MINDY4B: variants seen among roughly 807,000 people sequenced by gnomAD.
MINDY4B encodes MINDY family member 4B, also known as inactive ubiquitin carboxyl-terminal hydrolase MINDY-4B.
Under a neutral mutation model 16.7 loss-of-function variants are expected in MINDY4B, and 25 were observed. The observed-to-expected ratio is 1.49, with a 90% CI of 1.09 to 2.09. MINDY4B has a LOEUF of 2.09. Among genes scored for constraint, MINDY4B ranks in the 30% most tolerant of loss-of-function variants. The pLI is 0.00. For missense variants in MINDY4B, 327 were observed against 168.4 expected, an observed-to-expected ratio of 1.94 and a Z score of -5.21; for synonymous variants, 132 against 61.9, an observed-to-expected ratio of 2.13 and a Z score of -5.32.
At chr3:150,871,892 A>T (rs1287850188) in intron 11 of MINDY4B, among the ~76,000 whole-genome samples, 1 of 152,148 alleles carries the variant, frequency 6.6e-6, no homozygotes, top group Non-Finnish European at 1.5e-5. Context: ...CTCAGAATAC[A>T]TTTGCATTTT....
Position 150,871,034 on chromosome 3 carries a change from C to T in MINDY4B, c.*11G>A, listed in dbSNP as rs544637413. ...GACACTTCAGACTTCATTGCACAGC[C>T]TAGTTTCCCTTTAGAAGAAGGGAAC... On this transcript the variant is annotated 3_prime_UTR_variant, in exon 12 of 12. Coordinates refer to ENST00000465419, the MANE Select transcript of MINDY4B (RefSeq NM_001351281.2). The T allele has an allele frequency of 3.1e-5, 22 of 702,350 alleles. No individual in the cohort carries two copies. The South Asian group carries it at 3.3e-4, about 10-fold the overall frequency. 43.5% of individuals were successfully genotyped at this position (702,350 alleles called of 1,614,324 possible).
chr3:150,895,755 A>G (rs968230581), intron 3 of MINDY4B, among the ~76,000 whole-genome samples: 4 of 152,066 alleles, frequency 2.6e-5, no homozygotes, highest in African/African-American at 9.7e-5. Context: ...ATGAGCCACC[A>G]CACCTGGCCT....
rs1019265682 is a variant in MINDY4B, at chr3:150,871,194, A to T, written c.1241-7T>A. On this transcript the variant is annotated splice_region_variant and splice_polypyrimidine_tract_variant and intron_variant, in intron 11 of 11. Coordinates refer to ENST00000465419, the MANE Select transcript of MINDY4B (RefSeq NM_001351281.2). ...CAGTGATGGGAGTGAGTATCTGAAGAAGGAATAGCCAGCATTTAGACCCAA... is the reference window on the plus strand; with the variant it reads ...CAGTGATGGGAGTGAGTATCTGAAGTAGGAATAGCCAGCATTTAGACCCAA... 2 of 702,126 alleles carry T rather than the reference A, an allele frequency of 2.8e-6. No homozygotes were observed. Among genetic ancestry groups the T allele is most frequent in the Non-Finnish European group, 5.2e-6 (2 of 384,656 alleles). 43.5% of individuals were successfully genotyped at this position (702,126 alleles called of 1,614,324 possible). A position where few individuals can be genotyped will look rare whatever the true frequency, so the allele number is the denominator to read the frequency against.
intron 3 of MINDY4B, among the ~76,000 whole-genome samples, chr3:150,900,401 A>G (rs766823110): frequency 6.6e-6 from 1 of 152,238 alleles, no homozygotes; most frequent in Non-Finnish European, 1.5e-5. Context: ...GAATGACAAC[A>G]AAAGGATTTC....
intron 7 of MINDY4B, among the ~76,000 whole-genome samples, chr3:150,887,935 C>T (rs999964379): frequency 2.6e-5 from 4 of 152,002 alleles, no homozygotes; most frequent in South Asian, 4.2e-4. Flanking sequence ...GGTGAAACCC[C>T]GTCTCTACTA....
intron 10 of MINDY4B, among the ~76,000 whole-genome samples, chr3:150,874,296 C>G (rs1452562072): frequency 6.6e-6 from 1 of 152,094 alleles, no homozygotes; most frequent in Non-Finnish European, 1.5e-5. Flanking sequence ...ATTACTGTAC[C>G]TGGCCTGGCC....
At chr3:150,887,591 G>A (rs1711660161) in intron 7 of MINDY4B, among the ~76,000 whole-genome samples, 1 of 152,074 alleles carries the variant, frequency 6.6e-6, no homozygotes, top group African/African-American at 2.4e-5. Flanking sequence ...TTTGATAAAA[G>A]CCAAAAATCT....
At chr3:150,879,353 G>A (rs1013953417) in intron 10 of MINDY4B, among the ~76,000 whole-genome samples, 3 of 152,052 alleles carry the variant, frequency 2.0e-5, no homozygotes, top group Admixed American at 1.3e-4. Flanking sequence ...AGTGCTGCTG[G>A]CATCTAGTGA....
At chr3:150,877,872 G>C (rs904620769) in intron 10 of MINDY4B, among the ~76,000 whole-genome samples, 3 of 152,112 alleles carry the variant, frequency 2.0e-5, no homozygotes, top group African/African-American at 7.2e-5. Context: ...ATAATTCTAA[G>C]AACTGGCATT....
intron 3 of MINDY4B, among the ~76,000 whole-genome samples, chr3:150,897,131 T>C (rs528764283): frequency 1.3e-5 from 2 of 152,216 alleles, no homozygotes; most frequent in East Asian, 3.9e-4. Context: ...AACACGTTAC[T>C]TAATGCCATA....
intron 7 of MINDY4B, 72 bp downstream of exon 7, chr3:150,890,248 C>A: frequency 2.3e-6 from 1 of 428,514 alleles, no homozygotes; most frequent in South Asian, 6.2e-5. Context: ...TAGAAATAGA[C>A]TTTGTAAAAG....
intron 5 of MINDY4B, among the ~76,000 whole-genome samples, chr3:150,892,956 G>A (rs1711854503): frequency 7.0e-6 from 1 of 143,748 alleles, no homozygotes; most frequent in Non-Finnish European, 1.5e-5. Context: ...AAAAAAAAAT[G>A]GAGGATTGAT....
intron 3 of MINDY4B, among the ~76,000 whole-genome samples, chr3:150,895,893 G>T (rs1002543378): frequency 1.3e-5 from 2 of 152,018 alleles, no homozygotes; most frequent in Admixed American, 6.5e-5. Context: ...TTGATGTCTA[G>T]GTCTCTTGCA....
chr3:150,872,778 G>T (rs1346212824), intron 11 of MINDY4B, among the ~76,000 whole-genome samples: 1 of 152,116 alleles, frequency 6.6e-6, no homozygotes, highest in Admixed American at 6.5e-5. Flanking sequence ...TTATGTCACT[G>T]GATGATCATC....
intron 2 of MINDY4B, among the ~76,000 whole-genome samples, chr3:150,904,325 A>C (rs1712190606): frequency 6.6e-6 from 1 of 152,208 alleles, no homozygotes; most frequent in African/African-American, 2.4e-5. Flanking sequence ...ACTAAAATAG[A>C]AGCATTATTG....
At chr3:150,901,413 C>T (rs985713665) in intron 3 of MINDY4B, 15 of 152,370 alleles carry the variant, frequency 9.8e-5, no homozygotes, top group African/African-American at 2.6e-4. Context: ...TGCAGTGTTC[C>T]GGGAGCTCTG....
Position 150,879,536 on chromosome 3 carries a change from A to T in MINDY4B, c.1059+3361T>A, listed in dbSNP as rs545102644. 7.9e-5 allele frequency among the ~76,000 whole-genome samples: 12 copies of T among 152,302 alleles called. No homozygotes were observed. The South Asian group carries it at 2.5e-3, about 32-fold the overall frequency. Reference sequence around the variant, plus strand: ...ATCATCTATGGGCTTTAAAAACTTCAGTTGCCCAGATGCTTCCCAGACCAA... The same window carrying T: ...ATCATCTATGGGCTTTAAAAACTTCTGTTGCCCAGATGCTTCCCAGACCAA... On this transcript the variant is annotated intron_variant, in intron 10 of 11. Coordinates refer to ENST00000465419, the MANE Select transcript of MINDY4B (RefSeq NM_001351281.2).
At chr3:150,890,421 A>C (rs1196249190) in intron 6 of MINDY4B, 36 bp from the exon 7 acceptor site, 2 of 589,908 alleles carry the variant, frequency 3.4e-6, no homozygotes, top group Non-Finnish European at 6.0e-6. Context: ...AATGAAAAGG[A>C]AGATGAAAGT....
rs1711596721 is a variant in MINDY4B, at chr3:150,885,445, G to GTAAAA, written c.754-8_754-7insTTTTA. 6.2e-6 allele frequency: 4 copies of GTAAAA among 640,470 alleles called. No individual in the cohort carries two copies. The highest frequency in any genetic ancestry group is 1.1e-5 in the Non-Finnish European group (4 of 357,804). The allele number at this position is 640,470 out of a possible 1,614,324, so 39.7% of individuals were successfully genotyped here. A position where few individuals can be genotyped will look rare whatever the true frequency, so the allele number is the denominator to read the frequency against. The stretch of plus-strand genomic sequence containing the variant: ...GGCTTCCTTCCCCTCTGAACTGTTC[G>GTAAAA]GAAAAGAAAAGAAAAGCATGTTGGT... On this transcript the variant is annotated splice_region_variant and splice_polypyrimidine_tract_variant and intron_variant, in intron 7 of 11. Transcript: ENST00000465419.
Sources: allele counts gnomAD v4.1 joint callset (sites outside exome capture counted in the v4.1 genomes callset), GRCh38; gene constraint gnomAD v4.1.1; transcripts MANE v1.5; gene names NCBI Gene and HGNC (gene_info 2026-07-23, HGNC 2026-07-21).